The following ZAP70 variants were observed in gnomAD, a reference collection of about 807,000 sequenced individuals.
ZAP70 encodes the protein tyrosine-protein kinase ZAP-70.
ZAP70 carries 27 observed loss-of-function variants against 65.8 expected under a neutral mutation model. The ratio of observed to expected loss-of-function variants is 0.41; its 90% CI spans 0.30 to 0.57. The LOEUF (loss-of-function observed/expected upper bound fraction) is 0.57, where lower values mean the gene tolerates loss of function less well. ZAP70 is among the 20% of genes least tolerant of loss of function. The pLI, the probability that ZAP70 is intolerant of heterozygous loss-of-function variation, is 0.28. For missense variants in ZAP70, 696 were observed against 870.5 expected (o/e 0.80, Z 2.52); for synonymous variants, 363 against 360.8 (o/e 1.01, Z -0.07).
intron 13 of ZAP70, among the ~76,000 whole-genome samples, chr2:97,738,892 C>A (rs1438214500): frequency 6.6e-6 from 1 of 152,070 alleles, no homozygotes; most frequent in African/African-American, 2.4e-5. Context: ...CATGGATACC[C>A]CATGCACAGT....
Position 97,738,087 on chromosome 2 carries a change from GAGTGACTGCTGGATCTACA to G in ZAP70, c.1722_1736+4del. ...GTCCACCCGAACTGTACGCACTCAT[GAGTGACTGCTGGATCTACA>G]AGTGAGTGCCAGTGGGGAGGGGACC... is the stretch of plus-strand genomic sequence containing the variant. On this transcript the variant is annotated frameshift_variant and splice_region_variant, in exon 13 of 14. Coordinates refer to ENST00000264972, the MANE Select transcript of ZAP70 (RefSeq NM_001079.4). LOFTEE classifies it low-confidence loss of function (END_TRUNC). 6.2e-7 allele frequency: 1 copy of G among 1,605,550 alleles called. No individual in the cohort carries two copies. Among genetic ancestry groups the G allele is most frequent in the South Asian group, 1.1e-5 (1 of 89,714 alleles).
Position 97,739,660 on chromosome 2 carries a change from C to T in ZAP70, c.*162C>T. On this transcript the variant is annotated 3_prime_UTR_variant, in exon 14 of 14. Coordinates refer to ENST00000264972, the MANE Select transcript of ZAP70 (RefSeq NM_001079.4). ...CACCGGCCTTGCATTGCCTGCCTGG[C>T]CCCCTGTCCTCTCTGGCTGGGGAGC... 1.8e-6 allele frequency: 2 copies of T among 1,141,596 alleles called. No homozygotes were observed. Among genetic ancestry groups the T allele is most frequent in the Non-Finnish European group, 2.5e-6 (2 of 816,084 alleles). 70.7% of individuals were successfully genotyped at this position (1,141,596 alleles called of 1,614,324 possible). A position where few individuals can be genotyped will look rare whatever the true frequency, so the allele number is the denominator to read the frequency against.
chr2:97,719,776 C>A (rs1358439740), intron 2 of ZAP70, among the ~76,000 whole-genome samples: 2 of 152,120 alleles, frequency 1.3e-5, no homozygotes, highest in Non-Finnish European at 2.9e-5. Context: ...TGAGATTTGA[C>A]AAATGCATAC....
rs1573293253 is a variant in ZAP70, at chr2:97,739,551, C to G, written c.*53C>G. On this transcript the variant is annotated 3_prime_UTR_variant, in exon 14 of 14. Coordinates refer to ENST00000264972, the MANE Select transcript of ZAP70 (RefSeq NM_001079.4). Reference sequence around the variant, plus strand: ...CGCCGGCTCTTCCCCACCCTCAGCCCCACCCCAGGTCCTGCAGTCTGGCTG... The same window carrying G: ...CGCCGGCTCTTCCCCACCCTCAGCCGCACCCCAGGTCCTGCAGTCTGGCTG... The G allele has an allele frequency of 1.3e-6, 2 of 1,589,608 alleles. No homozygotes were observed. Among genetic ancestry groups the G allele is most frequent in the East Asian group, 4.6e-5 (2 of 43,632 alleles).
At chr2:97,740,940 T>C (rs1678113152), downstream of ZAP70, among the ~76,000 whole-genome samples, 1 of 152,192 alleles carries the variant, frequency 6.6e-6, no homozygotes, top group African/African-American at 2.4e-5. Flanking sequence ...GTCATCGCCA[T>C]CATGGAGGCT....
Position 97,735,944 on chromosome 2 carries a change from C to A in ZAP70, c.1289+488C>A, listed in dbSNP as rs113331433. Among the ~76,000 whole-genome samples the A allele has an allele frequency of 1.6e-3, 239 of 152,228 alleles. 1 individual carries two copies. Among genetic ancestry groups the A allele is most frequent in the South Asian group, 7.3e-3 (35 of 4,826 alleles). ...AATCGCTTGAACCCACGAGGCGGAGCTTGCAGTGAGCCGAGATTGTGCCAC... is the reference window on the plus strand; with the variant it reads ...AATCGCTTGAACCCACGAGGCGGAGATTGCAGTGAGCCGAGATTGTGCCAC... On this transcript the variant is annotated intron_variant, in intron 10 of 13. Coordinates refer to ENST00000264972, the MANE Select transcript of ZAP70 (RefSeq NM_001079.4).
In ZAP70 at chr2:97,715,573, G is replaced by A. The variant is rs953929715; in HGVS notation, c.-22+1579G>A. On this transcript the variant is annotated intron_variant, in intron 2 of 13. Coordinates refer to ENST00000264972, the MANE Select transcript of ZAP70 (RefSeq NM_001079.4). This position sits in a 1 kb window ranked among gnomAD's most constrained non-coding sequence, Gnocchi z 4.1. ...CAACAGACACTTGGAGAGTGTGCTG[G>A]GTTGGGGAATCTGACCCTGACCCCG... Among the ~76,000 whole-genome samples the A allele has an allele frequency of 1.2e-4, 19 of 152,152 alleles. No homozygotes were observed. The highest frequency in any genetic ancestry group is 4.6e-4 in the African/African-American group (19 of 41,414).
chr2:97,751,992 C>T, the ZAP70 span, among the ~76,000 whole-genome samples: 1 of 152,212 alleles, frequency 6.6e-6, no homozygotes, highest in South Asian at 2.1e-4. Flanking sequence ...CAGGGCCAAA[C>T]AAACCACAGC....
At chr2:97,746,612 T>G in the ZAP70 span, among the ~76,000 whole-genome samples, 1 of 152,218 alleles carries the variant, frequency 6.6e-6, no homozygotes, top group Non-Finnish European at 1.5e-5. Context: ...CCTCCAGAGC[T>G]GGGAGCAATA....
At chr2:97,732,848 C>A in intron 4 of ZAP70, 35 bp from the exon 5 acceptor site, 1 of 1,613,042 alleles carries the variant, frequency 6.2e-7, no homozygotes, top group Non-Finnish European at 8.5e-7. Flanking sequence ...CCCCAGGTGG[C>A]TCTAGGGGTT....
rs200605997 is a variant in ZAP70, at chr2:97,725,285, G to C, written c.563+33G>C. Reference sequence around the variant, plus strand: ...GGGCCCGGGATTTGGGTGCGGTGAGGATTGGGGCTCGTTGGCAGGGATCCT... The same window carrying C: ...GGGCCCGGGATTTGGGTGCGGTGAGCATTGGGGCTCGTTGGCAGGGATCCT... On this transcript the variant is annotated intron_variant, in intron 4 of 13. Coordinates refer to ENST00000264972, the MANE Select transcript of ZAP70 (RefSeq NM_001079.4). 909 of 1,606,172 alleles carry C rather than the reference G, an allele frequency of 5.7e-4. 2 individuals carry two copies. The highest frequency in any genetic ancestry group is 6.2e-4 in the Non-Finnish European group (726 of 1,173,474).
intron 2 of ZAP70, among the ~76,000 whole-genome samples, chr2:97,719,984 C>A (rs78041807): frequency 1.2e-4 from 19 of 152,106 alleles, no homozygotes; most frequent in African/African-American, 4.6e-4. Context: ...GAGGCCTTTG[C>A]GATGCGTTTG....
intron 2 of ZAP70, among the ~76,000 whole-genome samples, chr2:97,718,897 T>C (rs1393824917): frequency 6.6e-6 from 1 of 152,170 alleles, no homozygotes; most frequent in African/African-American, 2.4e-5. Flanking sequence ...CCATGAGTCT[T>C]CAAGGATGGG....
Position 97,725,083 on chromosome 2 carries a change from C to T in ZAP70, c.403-9C>T. 6.2e-7 allele frequency: 1 copy of T among 1,613,892 alleles called. No homozygotes were observed. On this transcript the variant is annotated splice_polypyrimidine_tract_variant and intron_variant, in intron 3 of 13. Transcript: ENST00000264972. The stretch of plus-strand genomic sequence containing the variant: ...ACACCTACAGACCTCCTCGCCTCTC[C>T]TTTTCTAGGGCGAGGCCCTGGAGCA...
downstream of ZAP70, among the ~76,000 whole-genome samples, chr2:97,741,218 A>G (rs181783787): frequency 3.5e-3 from 535 of 152,252 alleles, 4 homozygotes; most frequent in African/African-American, 0.012. Flanking sequence ...GCCCCATCTC[A>G]GTTTCCCTCC....
downstream of ZAP70, among the ~76,000 whole-genome samples, chr2:97,740,572 TAAG>T (rs1350578222): frequency 6.6e-6 from 1 of 152,212 alleles, no homozygotes; most frequent in Non-Finnish European, 1.5e-5. Context: ...TCTTATTTTA[TAAG>T]AAGGAGGCAT....
At chr2:97,722,802 C>T (rs1039894884) in intron 2 of ZAP70, among the ~76,000 whole-genome samples, 20 of 152,222 alleles carry the variant, frequency 1.3e-4, no homozygotes, top group African/African-American at 4.1e-4. Context: ...CCATCCCTCT[C>T]GCTCTGTTCG....
chr2:97,725,344 C>T, intron 4 of ZAP70, 92 bp downstream of exon 4: 1 of 1,506,338 alleles, frequency 6.6e-7, no homozygotes, highest in Non-Finnish European at 9.1e-7. Flanking sequence ...TGCAGTTGGG[C>T]CGTAAGGGTG....
At chr2:97,725,019 G>A (rs1172126339) in intron 3 of ZAP70, 73 bp from the exon 4 acceptor site, 3 of 1,597,954 alleles carry the variant, frequency 1.9e-6, no homozygotes, top group Middle Eastern at 3.3e-4. Context: ...CTCTGGGACA[G>A]GGCTCCCGGA....
Sources: allele counts gnomAD v4.1 joint callset (sites outside exome capture counted in the v4.1 genomes callset), GRCh38; gene constraint gnomAD v4.1.1; non-coding constraint Gnocchi (gnomAD v3.1); transcripts MANE v1.5; gene names NCBI Gene and HGNC (gene_info 2026-07-23, HGNC 2026-07-21).